PSMA1: variants seen among roughly 807,000 people sequenced by gnomAD.
PSMA1 encodes the protein proteasome subunit alpha type-1.
PSMA1 carries 3 observed loss-of-function variants against 38.4 expected under a neutral mutation model. The observed-to-expected ratio is 0.08, with a 90% CI of 0.04 to 0.20. PSMA1 has a LOEUF of 0.20. Ranked by LOEUF, PSMA1 falls within the 10% of genes least tolerant of loss-of-function variation. The pLI is 1.00. For missense variants in PSMA1, 227 were observed against 325.3 expected (o/e 0.70, Z 2.32); for synonymous variants, 101 against 107.1 (o/e 0.94, Z 0.35).
At chr11:14,544,697 T>G (rs969706261) in intron 2 of PSMA1, among the ~76,000 whole-genome samples, 1 of 152,192 alleles carries the variant, frequency 6.6e-6, no homozygotes, top group Non-Finnish European at 1.5e-5. Flanking sequence ...GAGAGGATAT[T>G]GAGAAATTGA....
chr11:14,593,988 CAT>C (rs1203409976), intron 2 of PSMA1, among the ~76,000 whole-genome samples: 1 of 152,132 alleles, frequency 6.6e-6, no homozygotes, highest in Non-Finnish European at 1.5e-5. Flanking sequence ...GTCAGTGAGA[CAT>C]AAAGGCAAGT....
intron 7 of PSMA1, among the ~76,000 whole-genome samples, chr11:14,511,250 G>A (rs1851337663): frequency 6.6e-6 from 1 of 152,154 alleles, no homozygotes; most frequent in African/African-American, 2.4e-5. Context: ...TGTAGAATGT[G>A]TTCTGTAGAA....
intron 2 of PSMA1, among the ~76,000 whole-genome samples, chr11:14,609,352 C>T (rs541357169): frequency 5.2e-4 from 79 of 152,222 alleles, no homozygotes; most frequent in African/African-American, 1.9e-3. Flanking sequence ...TACTGAATAC[C>T]TACTATGTAT....
intron 2 of PSMA1, among the ~76,000 whole-genome samples, chr11:14,600,717 C>T (rs1852571163): frequency 6.6e-6 from 1 of 152,194 alleles, no homozygotes; most frequent in Non-Finnish European, 1.5e-5. Flanking sequence ...TTATGCCCCA[C>T]CCTGTTTCTG....
intron 2 of PSMA1, among the ~76,000 whole-genome samples, chr11:14,545,290 TTTAA>T (rs1212184297): frequency 2.0e-5 from 3 of 151,816 alleles, no homozygotes; most frequent in Non-Finnish European, 4.4e-5. Context: ...CATGTGATTG[TTTAA>T]TTATTTTATT....
intron 1 of PSMA1, among the ~76,000 whole-genome samples, chr11:14,617,715 G>GTGTGTGTGTT (rs1432823446): frequency 2.6e-5 from 4 of 151,168 alleles, no homozygotes; most frequent in African/African-American, 9.7e-5. Flanking sequence ...GTGTGTGTGT[G>GTGTGTGTGTT]TGTGTGTATA....
chr11:14,574,498 G>A (rs1852188744), intron 2 of PSMA1, among the ~76,000 whole-genome samples: 1 of 152,204 alleles, frequency 6.6e-6, no homozygotes, highest in South Asian at 2.1e-4. Flanking sequence ...AAGACGTATG[G>A]TGATATGGTT....
chr11:14,559,276 G>C, intron 2 of PSMA1, among the ~76,000 whole-genome samples: 1 of 152,136 alleles, frequency 6.6e-6, no homozygotes, highest in Non-Finnish European at 1.5e-5. Context: ...AATCCCAATG[G>C]GAAGCAGAAG....
chr11:14,516,350 G>A (rs1466891588), intron 4 of PSMA1, among the ~76,000 whole-genome samples: 4 of 152,188 alleles, frequency 2.6e-5, no homozygotes, highest in Non-Finnish European at 4.4e-5. Flanking sequence ...GACAACAGGT[G>A]TGTGCCACCA....
rs542249220 is a variant in PSMA1 at position 14,572,117 on chromosome 11, T to C, written c.21+38849A>G. Among the ~76,000 whole-genome samples, 30 of 152,132 alleles carry C rather than the reference T, an allele frequency of 2.0e-4. No individual in the cohort carries two copies. The South Asian group carries it at 6.2e-3, about 32-fold the overall frequency. ...TTAGACAGATCAACGAAACAGAAAG[T>C]TAACAAGGATATCCAGGAATTGAAC... On this transcript the variant is annotated intron_variant, in intron 2 of 10. Coordinates refer to the PSMA1 transcript ENST00000418988.
At position 14,640,534 on chromosome 11, in the gene PSMA1, C is replaced by T. The variant is rs181518442; in HGVS notation, c.-166+2921G>A. Among the ~76,000 whole-genome samples the T allele has an allele frequency of 2.6e-5, 4 of 152,266 alleles. No homozygotes were observed. The East Asian group carries it at 5.8e-4, about 22-fold the overall frequency. On this transcript the variant is annotated intron_variant, in intron 1 of 10. Coordinates refer to the PSMA1 transcript ENST00000418988. ...TCTAAATAGCATTTAGTACAAATCT[C>T]GGCATATAGTGGGCACTAAATAGCT...
At chr11:14,577,728 C>G (rs771903476) in intron 2 of PSMA1, among the ~76,000 whole-genome samples, 2 of 152,106 alleles carry the variant, frequency 1.3e-5, no homozygotes, top group Admixed American at 6.6e-5. Context: ...GTGACATGCT[C>G]AAGGCCACAC....
rs1851226181 is a variant in PSMA1, at chr11:14,505,224, C to A, written c.760G>T (p.Ala254Ser). The change falls in exon 10 of 10, where the codon GCA (alanine) becomes TCA (serine). Residue 254 changes from alanine to serine, a missense_variant. By Grantham distance (99) the Ala-to-Ser change is moderately conservative (BLOSUM62 1). Coordinates refer to ENST00000396394, the MANE Select transcript of PSMA1 (RefSeq NM_002786.4). The part of the protein sequence containing the change: ...AQPAQPADEP[A>S]EKADEPMEH ...TCCATTGGTTCATCAGCCTTTTCTGCAGGTTCATCAGCAGGTTGAGCAGGC... is the reference window on the plus strand; with the variant it reads ...TCCATTGGTTCATCAGCCTTTTCTGAAGGTTCATCAGCAGGTTGAGCAGGC... 1 of 1,613,560 alleles carries A rather than the reference C, an allele frequency of 6.2e-7. No homozygotes were observed. Among genetic ancestry groups the A allele is most frequent in the Non-Finnish European group, 8.5e-7 (1 of 1,179,750 alleles).
At position 14,599,194 on chromosome 11, in the gene PSMA1, G is replaced by T. The variant is rs1852545919; in HGVS notation, c.21+11772C>A. ...CATTTTTTCCTTCATTTCAACTTTG[G>T]TGAATCTGACAATTATGTGCCTTGG... On this transcript the variant is annotated intron_variant, in intron 2 of 10. Transcript: ENST00000418988. Among the ~76,000 whole-genome samples the T allele has an allele frequency of 2.0e-5, 3 of 152,204 alleles. No homozygotes were observed. The South Asian group carries it at 6.2e-4, about 32-fold the overall frequency.
At chr11:14,538,007 C>CCTAAAATTGCTTTTTAATGTGAA (rs1851729813) in intron 2 of PSMA1, among the ~76,000 whole-genome samples, 1 of 151,908 alleles carries the variant, frequency 6.6e-6, no homozygotes, top group African/African-American at 2.4e-5. Flanking sequence ...CCGCGCCTGG[C>CCTAAAATTGCTTTTTAATGTGAA]CTAAAATTGC....
intron 2 of PSMA1, among the ~76,000 whole-genome samples, chr11:14,598,028 A>T (rs1590004564): frequency 6.6e-6 from 1 of 152,088 alleles, no homozygotes. Context: ...CTCAGGAGCA[A>T]GTTGTTCAGT....
At chr11:14,560,406 G>T (rs1589992703) in intron 2 of PSMA1, among the ~76,000 whole-genome samples, 1 of 152,260 alleles carries the variant, frequency 6.6e-6, no homozygotes, top group South Asian at 2.1e-4. Context: ...ACCCATTTTA[G>T]CTTCACTCAC....
At chr11:14,632,847 T>C (rs930805056) in intron 1 of PSMA1, among the ~76,000 whole-genome samples, 4 of 152,164 alleles carry the variant, frequency 2.6e-5, no homozygotes, top group African/African-American at 4.8e-5. Flanking sequence ...TTTTAATTCT[T>C]TTTTCTCTAG....
chr11:14,523,196 G>A (rs997212875), upstream of PSMA1, among the ~76,000 whole-genome samples: 1 of 152,134 alleles, frequency 6.6e-6, no homozygotes, highest in African/African-American at 2.4e-5. Flanking sequence ...GCTTATTAAA[G>A]GTTTATATGA....
Sources: allele counts gnomAD v4.1 joint callset (sites outside exome capture counted in the v4.1 genomes callset), GRCh38; gene constraint gnomAD v4.1.1; transcripts MANE v1.5; gene names NCBI Gene and HGNC (gene_info 2026-07-23, HGNC 2026-07-21).